Variants in KCNN2 observed in about 807,000 individuals in gnomAD.
KCNN2 encodes the protein potassium calcium-activated channel subfamily N member 2.
A neutral mutation model predicts 55.5 loss-of-function variants in KCNN2; 24 were observed. That is an observed-to-expected ratio of 0.43 (90% CI 0.31 to 0.61). The LOEUF (loss-of-function observed/expected upper bound fraction) is 0.61, where lower values mean the gene tolerates loss of function less well. Among genes scored for constraint, KCNN2 ranks in the 20% least tolerant of loss-of-function variants. The pLI, the probability that KCNN2 is intolerant of heterozygous loss-of-function variation, is 0.08. For missense variants in KCNN2, 754 were observed against 853.6 expected, an observed-to-expected ratio of 0.88 and a Z score of 1.45; for synonymous variants, 431 against 336.1, an observed-to-expected ratio of 1.28 and a Z score of -3.09.
intron 1 of KCNN2, among the ~76,000 whole-genome samples, chr5:114,142,331 G>C (rs1264711619): frequency 1.3e-5 from 2 of 152,094 alleles, no homozygotes; most frequent in Non-Finnish European, 2.9e-5. Context: ...AAGGGATCCA[G>C]TTTCAGCTTT....
At chr5:114,058,241 GGT>G (rs143709848) in intron 1 of KCNN2, among the ~76,000 whole-genome samples, 1 of 150,698 alleles carries the variant, frequency 6.6e-6, no homozygotes, top group South Asian at 2.1e-4. Context: ...ACTAGGTAGG[GGT>G]GTGTGTGTGT....
At chr5:114,423,138 C>T (rs1759518281) in intron 3 of KCNN2, among the ~76,000 whole-genome samples, 1 of 152,164 alleles carries the variant, frequency 6.6e-6, no homozygotes, top group Non-Finnish European at 1.5e-5. Flanking sequence ...AGCTTGACTC[C>T]TTGAGGGCAG....
At chr5:114,467,593 C>A (rs974322610) in intron 4 of KCNN2, among the ~76,000 whole-genome samples, 3 of 152,060 alleles carry the variant, frequency 2.0e-5, no homozygotes, top group Non-Finnish European at 4.4e-5. Context: ...TTGTGCAGAG[C>A]AGCTGGAGGA....
intron 1 of KCNN2, among the ~76,000 whole-genome samples, chr5:114,088,692 T>C (rs1751070118): frequency 6.6e-6 from 1 of 152,218 alleles, no homozygotes; most frequent in African/African-American, 2.4e-5. Context: ...TAGTCTCAGC[T>C]CACTGCAACC....
At chr5:114,390,184 C>G (rs1475221658) in intron 2 of KCNN2, among the ~76,000 whole-genome samples, 1 of 152,122 alleles carries the variant, frequency 6.6e-6, no homozygotes. Context: ...TTTATCATTT[C>G]AGATTAAACT....
Position 114,483,599 on chromosome 5 carries a change from C to G in KCNN2, c.1891-3451C>G, listed in dbSNP as rs184572180. On this transcript the variant is annotated intron_variant, in intron 5 of 7. Transcript: ENST00000673685. ...CCAGTAGTAGTATATATTTTAGAGCCTTTGCTGTTTCAAATTATTATAAAA... is the reference window on the plus strand; with the variant it reads ...CCAGTAGTAGTATATATTTTAGAGCGTTTGCTGTTTCAAATTATTATAAAA... Among the ~76,000 whole-genome samples the G allele has an allele frequency of 4.3e-3, 651 of 152,006 alleles. 1 individual carries two copies. The highest frequency in any genetic ancestry group is 0.014 in the Middle Eastern group (4 of 294).
intron 2 of KCNN2, among the ~76,000 whole-genome samples, chr5:114,367,184 T>A (rs558834613): frequency 6.6e-6 from 1 of 152,286 alleles, no homozygotes; most frequent in South Asian, 2.1e-4. Context: ...TGGATGGAAG[T>A]GCTTGTATTA....
intron 1 of KCNN2, among the ~76,000 whole-genome samples, chr5:114,086,321 G>T (rs1301608007): frequency 6.6e-6 from 1 of 151,754 alleles, no homozygotes; most frequent in African/African-American, 2.4e-5. Flanking sequence ...ATATGTGCAG[G>T]TTTGTTACCT....
intron 2 of KCNN2, among the ~76,000 whole-genome samples, chr5:114,343,007 T>C (rs556471897): frequency 3.9e-5 from 6 of 152,356 alleles, no homozygotes; most frequent in African/African-American, 1.4e-4. Context: ...TCTCCTGATA[T>C]GTTTTTTTGA....
chr5:114,347,248 G>A (rs1757123624), intron 2 of KCNN2, among the ~76,000 whole-genome samples: 1 of 152,178 alleles, frequency 6.6e-6, no homozygotes, highest in African/African-American at 2.4e-5. Flanking sequence ...TGTTTGCATA[G>A]TCTCAAAGAA....
intron 1 of KCNN2, among the ~76,000 whole-genome samples, chr5:114,090,113 A>G (rs1435934206): frequency 1.3e-5 from 2 of 152,164 alleles, no homozygotes; most frequent in Non-Finnish European, 2.9e-5. Flanking sequence ...GTCATTCCAG[A>G]TATCTTTTTA....
At chr5:114,468,860 GT>G (rs1761573653) in intron 4 of KCNN2, among the ~76,000 whole-genome samples, 1 of 152,032 alleles carries the variant, frequency 6.6e-6, no homozygotes, top group African/African-American at 2.4e-5. Context: ...TCCCAAAATG[GT>G]TTTTCAAAAT....
intron 1 of KCNN2, among the ~76,000 whole-genome samples, chr5:114,086,693 CT>C (rs995209681): frequency 2.0e-5 from 3 of 151,986 alleles, no homozygotes; most frequent in African/African-American, 7.2e-5. Flanking sequence ...TGATGGGCCC[CT>C]AGGTTGATTC....
chr5:114,482,795 A>G (rs1170547712), intron 5 of KCNN2, among the ~76,000 whole-genome samples: 2 of 152,142 alleles, frequency 1.3e-5, no homozygotes, highest in Admixed American at 1.3e-4. Flanking sequence ...CAAACACTAC[A>G]TGTTCTGACT....
intron 1 of KCNN2, among the ~76,000 whole-genome samples, chr5:114,092,193 T>C (rs1442014347): frequency 2.0e-5 from 3 of 152,146 alleles, no homozygotes; most frequent in African/African-American, 7.2e-5. Flanking sequence ...CTGTTTCAGA[T>C]TGGAGAAATT....
intron 2 of KCNN2, among the ~76,000 whole-genome samples, chr5:114,333,128 G>C (rs991193259): frequency 2.6e-5 from 4 of 152,152 alleles, no homozygotes; most frequent in African/African-American, 9.7e-5. Flanking sequence ...TGTTGATATA[G>C]AGCACATGAA....
At chr5:114,276,212 G>A (rs1755484397) in intron 2 of KCNN2, among the ~76,000 whole-genome samples, 1 of 152,110 alleles carries the variant, frequency 6.6e-6, no homozygotes, top group Admixed American at 6.5e-5. Context: ...TGTGATTTCT[G>A]TTCTTTTACA....
chr5:114,378,730 A>G (rs996116561), intron 2 of KCNN2, among the ~76,000 whole-genome samples: 4 of 149,924 alleles, frequency 2.7e-5, no homozygotes, highest in African/African-American at 1.0e-4. Flanking sequence ...ACTTAGTGTC[A>G]GCATCTCATT....
intron 1 of KCNN2, among the ~76,000 whole-genome samples, chr5:114,102,582 A>T (rs1751394522): frequency 6.6e-6 from 1 of 152,128 alleles, no homozygotes; most frequent in Non-Finnish European, 1.5e-5. Context: ...ATTATGTTTA[A>T]ATCTTTAATC....
Sources: gnomAD v4.1 joint callset for allele counts (sites outside exome capture counted in the v4.1 genomes callset) on GRCh38, gnomAD v4.1.1 for gene constraint, MANE v1.5 for transcripts, NCBI Gene and HGNC (gene_info 2026-07-23, HGNC 2026-07-21) for gene names.